FBRSL1: variants seen among roughly 807,000 people sequenced by gnomAD.
FBRSL1 encodes the protein fibrosin like 1, also known as fibrosin-1-like protein.
A neutral mutation model predicts 89.6 loss-of-function variants in FBRSL1; 51 were observed. That is an observed-to-expected ratio of 0.57 (90% CI 0.45 to 0.72). The LOEUF (loss-of-function observed/expected upper bound fraction) is 0.72, where lower values mean the gene tolerates loss of function less well. Ranked by LOEUF, FBRSL1 falls within the 30% of genes least tolerant of loss-of-function variation. The pLI is 0.00. For synonymous variants in FBRSL1, 779 were observed against 681.1 expected, an observed-to-expected ratio of 1.14 and a Z score of -2.24; for missense variants, 1,618 against 1,451.8, an observed-to-expected ratio of 1.11 and a Z score of -1.86.
intron 1 of FBRSL1, among the ~76,000 whole-genome samples, chr12:132,492,553 G>T (rs11147223): frequency 0.2 from 30,243 of 152,230 alleles, 3,234 homozygotes; most frequent in Middle Eastern, 0.29. Context: ...TCTGAGTGAG[G>T]AGATGAACTG....
rs899999698 is a variant in FBRSL1 at position 132,509,299 on chromosome 12, C to T, written c.489+949C>T. The T allele has an allele frequency of 1.4e-5, 17 of 1,251,242 alleles. No individual in the cohort carries two copies. The South Asian group carries it at 2.0e-4, about 15-fold the overall frequency. The allele number at this position is 1,251,242 out of a possible 1,614,324, so 77.5% of individuals were successfully genotyped here. A position where few individuals can be genotyped will look rare whatever the true frequency, so the allele number is the denominator to read the frequency against. Reference sequence around the variant, plus strand: ...TCCCTCCCAGCCCCGTCGGCACTCCCGGACCCTGGGCAGCCCTGCCAGCCC... The same window carrying T: ...TCCCTCCCAGCCCCGTCGGCACTCCTGGACCCTGGGCAGCCCTGCCAGCCC... On this transcript the variant is annotated intron_variant, in intron 2 of 18. Transcript: ENST00000680143.
chr12:132,508,020 A>C, intron 1 of FBRSL1, 133 bp from the exon 2 acceptor site: 1 of 868,714 alleles, frequency 1.2e-6, no homozygotes, highest in Non-Finnish European at 1.7e-6. Context: ...CACAGCAGCC[A>C]TCTTCCTTTC....
At chr12:132,507,113 C>G in intron 1 of FBRSL1, 1 of 796,112 alleles carries the variant, frequency 1.3e-6, no homozygotes, top group East Asian at 1.3e-4. Flanking sequence ...CACCATGGCT[C>G]TATGCGGGGG....
At chr12:132,496,387 G>A (rs2032034995) in intron 1 of FBRSL1, among the ~76,000 whole-genome samples, 1 of 152,210 alleles carries the variant, frequency 6.6e-6, no homozygotes, top group Admixed American at 6.5e-5. Context: ...TGATGGTTGT[G>A]AGGGTCTGTT....
intron 5 of FBRSL1, among the ~76,000 whole-genome samples, chr12:132,560,866 C>G (rs1385274516): frequency 6.6e-6 from 1 of 152,258 alleles, no homozygotes; most frequent in African/African-American, 2.4e-5. Context: ...GGGTCACGTC[C>G]CTGCAGACCA....
At chr12:132,511,940 AT>A in intron 2 of FBRSL1, 1 of 984,836 alleles carries the variant, frequency 1.0e-6, no homozygotes, top group Non-Finnish European at 1.2e-6. Context: ...CCGTGCCACT[AT>A]TTTTTATAAC....
At chr12:132,541,605 G>A (rs187477061) in intron 4 of FBRSL1, among the ~76,000 whole-genome samples, 142 of 152,366 alleles carry the variant, frequency 9.3e-4, no homozygotes, top group Non-Finnish European at 1.6e-3. Flanking sequence ...TGAGGCGGCC[G>A]AAAGGGGCTG....
chr12:132,509,429 C>G, intron 2 of FBRSL1: 2 of 1,242,368 alleles, frequency 1.6e-6, no homozygotes, highest in Non-Finnish European at 2.0e-6. Flanking sequence ...CCGGTCAGCC[C>G]TGCCGGCCCC....
At position 132,510,615 on chromosome 12, in the gene FBRSL1, GAGGCTCGGCC is replaced by G. The variant is rs888646331; in HGVS notation, c.489+2268_489+2277del. Reference sequence around the variant, plus strand: ...GCTGAGCTGTTTGTCGTTGGAAATTGAGGCTCGGCCAGAGGCGGGAGCCCCTACAGTGCCA... The same window carrying G: ...GCTGAGCTGTTTGTCGTTGGAAATTGAGAGGCGGGAGCCCCTACAGTGCCA... On this transcript the variant is annotated intron_variant, in intron 2 of 18. Coordinates refer to ENST00000680143, the MANE Select transcript of FBRSL1 (RefSeq NM_001367871.1). 3.9e-4 allele frequency: 483 copies of G among 1,230,698 alleles called. 2 individuals are homozygous for G. In the African/African-American group the frequency reaches 6.9e-3, roughly 18 times the overall value. 76.2% of individuals were successfully genotyped at this position (1,230,698 alleles called of 1,614,324 possible).
At position 132,491,678 on chromosome 12, in the gene FBRSL1, C is replaced by T. The variant is rs114068628; in HGVS notation, c.291+817C>T. ...TTTCCAGGGGCTTGGGAGCCCATGG[C>T]CTGGGATCCCCCAGTCTCAGAAGCT... On this transcript the variant is annotated intron_variant, in intron 1 of 18. Transcript: ENST00000680143. 4.5e-3 allele frequency among the ~76,000 whole-genome samples: 688 copies of T among 152,372 alleles called. 2 individuals are homozygous for T. The highest frequency in any genetic ancestry group is 0.016 in the African/African-American group (654 of 41,594).
intron 18 of FBRSL1, 78 bp downstream of exon 18, chr12:132,582,344 C>A: frequency 7.8e-7 from 1 of 1,287,382 alleles, no homozygotes; most frequent in Non-Finnish European, 1.1e-6. Context: ...TCCCCGGTTC[C>A]CCCTCCCCCG....
At chr12:132,571,631 T>C in intron 9 of FBRSL1, 1 of 819,054 alleles carries the variant, frequency 1.2e-6, no homozygotes, top group Non-Finnish European at 1.7e-6. Context: ...CAGGAGGAGG[T>C]GGGGGGCCGG....
intron 4 of FBRSL1, among the ~76,000 whole-genome samples, chr12:132,547,693 G>T (rs1201747494): frequency 6.6e-6 from 1 of 152,214 alleles, no homozygotes; most frequent in Non-Finnish European, 1.5e-5. Flanking sequence ...TGCTCTGAGG[G>T]TCTGGCCAGT....
intron 2 of FBRSL1, chr12:132,511,119 C>A (rs1396931779): frequency 1.3e-5 from 13 of 985,404 alleles, no homozygotes; most frequent in Non-Finnish European, 1.6e-5. Flanking sequence ...ACCTCCAGGG[C>A]CCCCAAGCTA....
At chr12:132,500,862 C>T (rs2032852497) in intron 1 of FBRSL1, among the ~76,000 whole-genome samples, 1 of 152,226 alleles carries the variant, frequency 6.6e-6, no homozygotes, top group Non-Finnish European at 1.5e-5. Context: ...CGCAGTGTCC[C>T]CCACAGCCCT....
At chr12:132,572,238 G>A in intron 9 of FBRSL1, 50 bp from the exon 10 acceptor site, 1 of 1,527,914 alleles carries the variant, frequency 6.5e-7, no homozygotes, top group Non-Finnish European at 8.9e-7. Context: ...CCGGGGCCCA[G>A]CAACGGTGTC....
At chr12:132,541,096 G>A (rs1176677339) in intron 4 of FBRSL1, among the ~76,000 whole-genome samples, 1 of 148,264 alleles carries the variant, frequency 6.7e-6, no homozygotes, top group East Asian at 2.0e-4. Flanking sequence ...TGAGCCTGGG[G>A]GGCACAGCCT....
intron 10 of FBRSL1, 24 bp downstream of exon 10, chr12:132,572,368 C>G (rs776610542): frequency 1.3e-6 from 2 of 1,550,232 alleles, no homozygotes; most frequent in South Asian, 2.4e-5. Context: ...AGGGGCCCGG[C>G]GCGTGTCGCT....
intron 2 of FBRSL1, among the ~76,000 whole-genome samples, chr12:132,516,562 C>G (rs1004291692): frequency 6.6e-6 from 1 of 152,228 alleles, no homozygotes; most frequent in South Asian, 2.1e-4. Context: ...CCACCTCCCC[C>G]AGCCTGCTCA....
Sources: allele counts gnomAD v4.1 joint callset (sites outside exome capture counted in the v4.1 genomes callset), GRCh38; gene constraint gnomAD v4.1.1; transcripts MANE v1.5; gene names NCBI Gene and HGNC (gene_info 2026-07-23, HGNC 2026-07-21).